Variants in RHBDF1 observed in about 807,000 individuals in gnomAD.
RHBDF1 encodes rhomboid 5 homolog 1, also known as inactive rhomboid protein 1.
A neutral mutation model predicts 98.6 loss-of-function variants in RHBDF1; 80 were observed. That is an observed-to-expected ratio of 0.81 (90% confidence interval 0.68 to 0.98). The LOEUF (loss-of-function observed/expected upper bound fraction) is 0.98, where lower values mean the gene tolerates loss of function less well. Ranked by LOEUF, RHBDF1 falls within the 50% of genes least tolerant of loss-of-function variation. The pLI, the probability that RHBDF1 is intolerant of heterozygous loss-of-function variation, is 0.00. For missense variants in RHBDF1, 1,116 were observed against 1,198.3 expected, an observed-to-expected ratio of 0.93 and a Z score of 1.01; for synonymous variants, 512 against 486.8, an observed-to-expected ratio of 1.05 and a Z score of -0.68.
At chr16:75,148 G>A (rs756006044), upstream of RHBDF1, among the ~76,000 whole-genome samples, 132 of 152,214 alleles carry the variant, frequency 8.7e-4, no homozygotes, top group Non-Finnish European at 1.4e-3. Flanking sequence ...CCCAGCTCCC[G>A]GCCCCTCTCT....
upstream of RHBDF1, chr16:73,868 G>A (rs1898038356): frequency 5.0e-5 from 46 of 911,786 alleles, no homozygotes; most frequent in Non-Finnish European, 5.8e-5. Context: ...CCTGCTCCTT[G>A]GCTAGACAGA....
At chr16:63,528 G>A (rs1897724019) in intron 4 of RHBDF1, 59 bp downstream of exon 4, 4 of 1,411,078 alleles carry the variant, frequency 2.8e-6, no homozygotes, top group Non-Finnish European at 3.8e-6. Context: ...TGTGTCCGCA[G>A]CCCCAGCCCC....
intron 7 of RHBDF1, 136 bp from the exon 8 acceptor site, chr16:62,188 C>A: frequency 3.9e-6 from 5 of 1,286,374 alleles, no homozygotes; most frequent in Non-Finnish European, 5.2e-6. Context: ...CTTCTCCTTG[C>A]CAGTAAAAAA....
At chr16:68,074 C>T (rs900499986) in intron 1 of RHBDF1, among the ~76,000 whole-genome samples, 1 of 152,104 alleles carries the variant, frequency 6.6e-6, no homozygotes, top group African/African-American at 2.4e-5. Context: ...AGCCGGGGAC[C>T]ACAGTCGGCC....
chr16:60,320 CT>C, intron 12 of RHBDF1, 41 bp from the exon 13 acceptor site: 4 of 1,612,478 alleles, frequency 2.5e-6, no homozygotes, highest in Non-Finnish European at 3.4e-6. Context: ...CTTCGAGCCC[CT>C]AGCATTGGCA....
Position 58,614 on chromosome 16 carries a change from G to A in RHBDF1, c.2294C>T (p.Pro765Leu), listed in dbSNP as rs191000287. The part of the protein sequence containing the change: ...VLFLFTFGLL[P>L]WIDNFAHISG... Reference sequence around the variant, plus strand: ...GATGTGGGCAAAGTTGTCAATCCACGGCAGCAGCCCAAAGGTGAAGAGGAA... The same window carrying A: ...GATGTGGGCAAAGTTGTCAATCCACAGCAGCAGCCCAAAGGTGAAGAGGAA... Residue 765 changes from proline to leucine, a missense_variant, in exon 18 of 18, where the codon CCG becomes CTG. By Grantham distance (98) the Pro-to-Leu change is moderately conservative. Coordinates refer to ENST00000262316, the MANE Select transcript of RHBDF1 (RefSeq NM_022450.5). 9 of 1,613,652 alleles carry A rather than the reference G, an allele frequency of 5.6e-6. No individual in the cohort carries two copies. Among genetic ancestry groups the A allele is most frequent in the East Asian group, 2.2e-5 (1 of 44,890 alleles).
intron 3 of RHBDF1, chr16:64,436 G>A (rs1002109547): frequency 8.9e-6 from 13 of 1,457,718 alleles, no homozygotes; most frequent in African/African-American, 2.8e-5. Context: ...CGTACTTGTC[G>A]GCTGCTAAGA....
At chr16:74,111 C>A, upstream of RHBDF1, 1 of 198,816 alleles carries the variant, frequency 5.0e-6, no homozygotes, top group Non-Finnish European at 9.1e-6. Flanking sequence ...GCCAGTGCAT[C>A]ACGGACACCG....
At chr16:60,622 C>A in intron 11 of RHBDF1, 83 bp from the exon 12 acceptor site, 3 of 948,720 alleles carry the variant, frequency 3.2e-6, no homozygotes, top group Admixed American at 1.9e-5. Flanking sequence ...GAAGGCAAAA[C>A]CACTGAGCTC....
chr16:61,031 G>T lies in RHBDF1; in HGVS notation c.1557+89C>A, dbSNP rs138949077. 27 of 1,396,868 alleles carry T rather than the reference G, an allele frequency of 1.9e-5. No individual in the cohort carries two copies. In the African/African-American group the frequency reaches 3.9e-4, roughly 20 times the overall value. 86.5% of individuals were successfully genotyped at this position (1,396,868 alleles called of 1,614,324 possible). On this transcript the variant is annotated intron_variant, in intron 11 of 17. Transcript: ENST00000262316. ...GACGGCGGGATGTGCCAGGAACGAGGGCGAAGGATCACTCTGCCGAGTCTA... is the reference window on the plus strand; with the variant it reads ...GACGGCGGGATGTGCCAGGAACGAGTGCGAAGGATCACTCTGCCGAGTCTA...
At position 58,868 on chromosome 16, in the gene RHBDF1, G is replaced by A. The variant is rs1897488273; in HGVS notation, c.2148+106C>T. 25 of 1,552,454 alleles carry A rather than the reference G, an allele frequency of 1.6e-5. 1 individual carries two copies. The South Asian group carries it at 1.9e-4, about 12-fold the overall frequency. The stretch of plus-strand genomic sequence containing the variant: ...CCATGGCCCAGAGCATATTGGGACC[G>A]AGGATCCAACTGGAGATGCTCCCAG... On this transcript the variant is annotated intron_variant, in intron 17 of 17. Coordinates refer to ENST00000262316, the MANE Select transcript of RHBDF1 (RefSeq NM_022450.5).
rs1322167886 is a variant in RHBDF1 at position 58,392 on chromosome 16, G to C, written c.2516C>G (p.Pro839Arg). The change falls in exon 18 of 18, where the codon CCC becomes CGC. Residue 839 changes from proline to arginine, a missense_variant. Coordinates refer to ENST00000262316, the MANE Select transcript of RHBDF1 (RefSeq NM_022450.5). ...CTTCTCACAGAACTTGTCAGTGAAG[G>C]GGATGCAGGTGAGGAACTCACACCA... The part of the protein sequence containing the change: ...CEWCEFLTCI[P>R]FTDKFCEKYE... 6.2e-7 allele frequency: 1 copy of C among 1,613,922 alleles called. No individual in the cohort carries two copies. The highest frequency in any genetic ancestry group is 2.2e-5 in the East Asian group (1 of 44,884).
chr16:68,636 C>G (rs1897890784), intron 1 of RHBDF1, among the ~76,000 whole-genome samples: 1 of 146,872 alleles, frequency 6.8e-6, no homozygotes, highest in Non-Finnish European at 1.5e-5. Context: ...ACACCCAAAG[C>G]CACAGTGCAT....
intron 4 of RHBDF1, 103 bp from the exon 5 acceptor site, chr16:63,285 C>T (rs1293271880): frequency 2.0e-6 from 2 of 996,550 alleles, no homozygotes; most frequent in Non-Finnish European, 1.5e-6. Flanking sequence ...GCTCCTGACT[C>T]CTCACGGGCC....
chr16:76,044 A>G (rs570015183), upstream of RHBDF1, among the ~76,000 whole-genome samples: 28 of 152,320 alleles, frequency 1.8e-4, no homozygotes, highest in African/African-American at 6.3e-4. Context: ...AGGCAGCTCC[A>G]GCCCCTCCAC....
Position 60,267 on chromosome 16 carries a change from C to T in RHBDF1, c.1671G>A (p.Glu557=), listed in dbSNP as rs1439465565. The T allele has an allele frequency of 1.2e-6, 2 of 1,614,106 alleles. No homozygotes were observed. The change falls in exon 13 of 18, where the codon GAG becomes GAA. Residue 557 remains glutamate (E), a synonymous_variant. Coordinates refer to ENST00000262316, the MANE Select transcript of RHBDF1 (RefSeq NM_022450.5). ...VCHQDPRVCD[E]PSSEDPHEWP... is the part of the protein sequence containing the mutation. ...ACTCATGAGGGTCTTCGGAGGAGGGCTCATCACACACCCTGCATGAGCCAA... is the reference window on the plus strand; with the variant it reads ...ACTCATGAGGGTCTTCGGAGGAGGGTTCATCACACACCCTGCATGAGCCAA...
intron 1 of RHBDF1, among the ~76,000 whole-genome samples, chr16:71,115 G>A (rs1055648810): frequency 2.0e-5 from 3 of 152,080 alleles, no homozygotes; most frequent in Non-Finnish European, 2.9e-5. Context: ...AGACCTGGAC[G>A]ACTCCCCCTA....
Position 62,762 on chromosome 16 carries a change from G to C in RHBDF1, c.795+13C>G. On this transcript the variant is annotated intron_variant, in intron 6 of 17. Coordinates refer to ENST00000262316, the MANE Select transcript of RHBDF1 (RefSeq NM_022450.5). ...GGAACGTGGGGTGGGGGGACACCCC[G>C]GGCACTTCTTACCCGGGCAAAGAAG... The C allele has an allele frequency of 6.2e-7, 1 of 1,614,032 alleles. No homozygotes were observed. The highest frequency in any genetic ancestry group is 8.5e-7 in the Non-Finnish European group (1 of 1,180,020).
At chr16:61,532 G>A (rs551392955) in intron 9 of RHBDF1, 53 bp downstream of exon 9, 2 of 1,610,572 alleles carry the variant, frequency 1.2e-6, no homozygotes, top group South Asian at 1.1e-5. Context: ...TCGGGAGGGG[G>A]TCCAGTGCCC....
Sources: allele counts gnomAD v4.1 joint callset (sites outside exome capture counted in the v4.1 genomes callset), GRCh38; gene constraint gnomAD v4.1.1; transcripts MANE v1.5; gene names NCBI Gene and HGNC (gene_info 2026-07-23, HGNC 2026-07-21).